The following PIK3CA variants were observed in gnomAD, a reference collection of about 807,000 sequenced individuals.
The protein encoded by PIK3CA is phosphatidylinositol-4,5-bisphosphate 3-kinase catalytic subunit alpha, also known as phosphatidylinositol 4,5-bisphosphate 3-kinase catalytic subunit alpha isoform.
PIK3CA carries 27 observed loss-of-function variants against 138.2 expected under a neutral mutation model. The observed-to-expected ratio is 0.20, with a 90% CI of 0.14 to 0.27. The LOEUF (loss-of-function observed/expected upper bound fraction) is 0.27, where lower values mean the gene tolerates loss of function less well. Ranked by LOEUF, PIK3CA falls within the 10% of genes least tolerant of loss-of-function variation. The pLI is 1.00. For missense variants in PIK3CA, 544 were observed against 1,277.4 expected, an observed-to-expected ratio of 0.43 and a Z score of 8.75; for synonymous variants, 358 against 413.2, an observed-to-expected ratio of 0.87 and a Z score of 1.62.
intron 1 of PIK3CA, among the ~76,000 whole-genome samples, chr3:179,167,374 A>G (rs1240174388): frequency 6.6e-6 from 1 of 152,008 alleles, no homozygotes; most frequent in Non-Finnish European, 1.5e-5. Flanking sequence ...AGCTTCTGTT[A>G]CTATCTTTCT....
intron 1 of PIK3CA, among the ~76,000 whole-genome samples, chr3:179,180,969 T>C (rs1723827263): frequency 6.6e-6 from 1 of 152,168 alleles, no homozygotes; most frequent in African/African-American, 2.4e-5. Flanking sequence ...CATGATTTTG[T>C]CATAAATACC....
intron 5 of PIK3CA, among the ~76,000 whole-genome samples, chr3:179,204,293 C>A (rs774237330): frequency 1.3e-5 from 2 of 152,102 alleles, no homozygotes; most frequent in African/African-American, 4.8e-5. Flanking sequence ...TTTTAGTAGT[C>A]TGATGTCTCC....
At chr3:179,182,365 G>A (rs569551072) in intron 1 of PIK3CA, among the ~76,000 whole-genome samples, 1 of 152,164 alleles carries the variant, frequency 6.6e-6, no homozygotes, top group Non-Finnish European at 1.5e-5. Flanking sequence ...CAGAGCATCA[G>A]TGAATAAGAG....
intron 1 of PIK3CA, among the ~76,000 whole-genome samples, chr3:179,153,552 AT>A (rs1723062879): frequency 6.6e-6 from 1 of 152,222 alleles, no homozygotes; most frequent in South Asian, 2.1e-4. Flanking sequence ...TATAAGGTGT[AT>A]GTGAAACATA....
At chr3:179,216,932 A>G (rs1724848587) in intron 9 of PIK3CA, among the ~76,000 whole-genome samples, 1 of 152,166 alleles carries the variant, frequency 6.6e-6, no homozygotes, top group African/African-American at 2.4e-5. Context: ...CCTTCCACAG[A>G]GAAGCCATAA....
intron 4 of PIK3CA, among the ~76,000 whole-genome samples, chr3:179,202,290 C>T (rs73187268): frequency 0.022 from 3,403 of 152,004 alleles, 54 homozygotes; most frequent in African/African-American, 0.035. Flanking sequence ...AGGTTGGTCT[C>T]GAATTCTGGG....
chr3:179,161,613 C>CT (rs1190468074), intron 1 of PIK3CA, among the ~76,000 whole-genome samples: 1 of 152,196 alleles, frequency 6.6e-6, no homozygotes, highest in Non-Finnish European at 1.5e-5. Context: ...AGCAGAATCG[C>CT]TTAAACCCAG....
chr3:179,209,701 G>GT lies in PIK3CA; in HGVS notation c.1251+2dup. On this transcript the variant is annotated splice_donor_variant, in intron 7 of 20. Coordinates refer to ENST00000263967, the MANE Select transcript of PIK3CA (RefSeq NM_006218.4). LOFTEE classifies it high-confidence loss of function. ...TAAAGGCCGAAAGGGTGCTAAAGAG[G>GT]TAAAGTATTTCAGAAGGAACAATTA... 6.4e-7 allele frequency: 1 copy of GT among 1,563,674 alleles called. No individual in the cohort carries two copies. The highest frequency in any genetic ancestry group is 8.8e-7 in the Non-Finnish European group (1 of 1,141,808).
intron 1 of PIK3CA, among the ~76,000 whole-genome samples, chr3:179,169,615 C>T (rs1267672194): frequency 2.0e-5 from 3 of 152,122 alleles, no homozygotes; most frequent in Admixed American, 6.5e-5. Context: ...TACAAAATTG[C>T]AGCAACTATT....
chr3:179,193,161 C>T (rs1362074817), intron 1 of PIK3CA, among the ~76,000 whole-genome samples: 1 of 152,170 alleles, frequency 6.6e-6, no homozygotes, highest in African/African-American at 2.4e-5. Context: ...TTCTGAGAAC[C>T]AAAAGATTTT....
intron 6 of PIK3CA, 112 bp from the exon 7 acceptor site, chr3:179,209,483 T>G: frequency 1.7e-6 from 1 of 583,998 alleles, no homozygotes; most frequent in Non-Finnish European, 3.0e-6. Flanking sequence ...AATCAATCTC[T>G]TTCCTGTTTT....
At chr3:179,165,276 A>T (rs1723389711) in intron 1 of PIK3CA, among the ~76,000 whole-genome samples, 1 of 152,172 alleles carries the variant, frequency 6.6e-6, no homozygotes, top group Admixed American at 6.5e-5. Context: ...ACCTATATTG[A>T]TGCTTCTCAA....
Position 179,219,722 on chromosome 3 carries a change from T to C in PIK3CA, c.1898T>C (p.Ile633Thr). 1 of 1,595,118 alleles carries C rather than the reference T, an allele frequency of 6.3e-7. No homozygotes were observed. Among genetic ancestry groups the C allele is most frequent in the Non-Finnish European group, 8.6e-7 (1 of 1,163,962 alleles). ...GATGACAAACTTTCTCAGTATTTAA[T>C]TCAGCTAGTACAGGTAAAATAATGT... ...LTDDKLSQYL[I>T]QLVQVLKYEQ... is the part of the protein sequence containing the mutation. Residue 633 changes from isoleucine (I) to threonine (T), a missense_variant, in exon 12 of 21, where the codon ATT becomes ACT. Physicochemically the swap from Ile to Thr is moderately conservative, Grantham distance 89 (BLOSUM62 -1). Transcript: ENST00000263967. This position sits in a 1 kb window ranked among gnomAD's most constrained non-coding sequence, Gnocchi z 4.2.
chr3:179,233,206 A>G (rs1236842978), intron 20 of PIK3CA: 2 of 396,848 alleles, frequency 5.0e-6, no homozygotes, highest in African/African-American at 2.1e-5. Context: ...TAGGTATATG[A>G]TTATGTCATT....
chr3:179,188,821 T>A (rs1395523701), intron 1 of PIK3CA, among the ~76,000 whole-genome samples: 1 of 152,264 alleles, frequency 6.6e-6, no homozygotes, highest in East Asian at 1.9e-4. Flanking sequence ...CTCATAATCC[T>A]ATCTCACCTT....
intron 1 of PIK3CA, among the ~76,000 whole-genome samples, chr3:179,161,771 T>G (rs1329712821): frequency 6.6e-6 from 1 of 152,208 alleles, no homozygotes; most frequent in African/African-American, 2.4e-5. Context: ...TGCTTGTAAT[T>G]CCAAATGTTC....
rs1454034967 is a variant in PIK3CA, at chr3:179,229,988, T to C, written c.2667-16T>C. On this transcript the variant is annotated splice_polypyrimidine_tract_variant and intron_variant, in intron 18 of 20. Transcript: ENST00000263967. ...CTATATTTCCATACTACTCATGAGG[T>C]GTTTATTCTTTGTAGATATGATGCA... 1.3e-6 allele frequency: 2 copies of C among 1,527,298 alleles called. No homozygotes were observed. The highest frequency in any genetic ancestry group is 3.4e-5 in the Admixed American group (2 of 59,192). The allele number at this position is 1,527,298 out of a possible 1,614,324, so 94.6% of individuals were successfully genotyped here. A position where few individuals can be genotyped will look rare whatever the true frequency, so the allele number is the denominator to read the frequency against.
chr3:179,198,229 T>A (rs1223804624), intron 1 of PIK3CA, among the ~76,000 whole-genome samples: 1 of 152,150 alleles, frequency 6.6e-6, no homozygotes, highest in Non-Finnish European at 1.5e-5. Context: ...GACTAAGCCA[T>A]AAAATTTCTC....
chr3:179,197,507 T>TTA (rs1553820164), intron 1 of PIK3CA, among the ~76,000 whole-genome samples: 2 of 152,228 alleles, frequency 1.3e-5, no homozygotes, highest in Non-Finnish European at 2.9e-5. Flanking sequence ...ACACATAATC[T>TTA]TCATATTCTT....
Sources: gnomAD v4.1 joint callset for allele counts (sites outside exome capture counted in the v4.1 genomes callset) on GRCh38, gnomAD v4.1.1 for gene constraint, Gnocchi (gnomAD v3.1) non-coding constraint, MANE v1.5 for transcripts, NCBI Gene and HGNC (gene_info 2026-07-23, HGNC 2026-07-21) for gene names.